The following METTL27 variants were observed in gnomAD, a reference collection of about 807,000 sequenced individuals.
METTL27 encodes methyltransferase like 27.
In METTL27, 29 loss-of-function variants were observed where a neutral mutation model predicts 24.5. The observed-to-expected ratio is 1.18, with a 90% confidence interval of 0.88 to 1.61. METTL27 has a LOEUF of 1.61. Among genes scored for constraint, METTL27 ranks in the 40% most tolerant of loss-of-function variants. The pLI is 0.00. For missense variants in METTL27, 341 were observed against 324.3 expected, an observed-to-expected ratio of 1.05 and a Z score of -0.40; for synonymous variants, 138 against 146.8, an observed-to-expected ratio of 0.94 and a Z score of 0.43.
intron 5 of METTL27, 99 bp downstream of exon 5, chr7:73,839,932 C>T (rs573827237): frequency 5.2e-5 from 61 of 1,163,234 alleles, no homozygotes; most frequent in South Asian, 4.4e-4. Flanking sequence ...CGCTGCCCCT[C>T]GCTTAGCCTG....
At chr7:73,837,316 AT>A (rs1163006974) in intron 5 of METTL27, among the ~76,000 whole-genome samples, 3 of 72,404 alleles carry the variant, frequency 4.1e-5, no homozygotes, top group African/African-American at 1.5e-4. Flanking sequence ...TTTAAAAAAA[AT>A]AAAAAAAAAT....
At chr7:73,842,340 C>T in intron 1 of METTL27, 150 bp downstream of exon 1, 1 of 863,746 alleles carries the variant, frequency 1.2e-6, no homozygotes, top group Non-Finnish European at 1.6e-6. Context: ...GGCTGCAGGG[C>T]TGGGGGAAGG....
chr7:73,835,115 G>A lies in METTL27; in HGVS notation c.479-113C>T, dbSNP rs1338087285. 213 of 1,410,330 alleles carry A rather than the reference G, an allele frequency of 1.5e-4. 1 individual carries two copies. Among genetic ancestry groups the A allele is most frequent in the Non-Finnish European group, 1.8e-4 (190 of 1,084,716 alleles). 87.4% of individuals were successfully genotyped at this position (1,410,330 alleles called of 1,614,324 possible). On this transcript the variant is annotated intron_variant, in intron 5 of 5. Coordinates refer to ENST00000297873, the MANE Select transcript of METTL27 (RefSeq NM_152559.3). Reference sequence around the variant, plus strand: ...AAGAAATTCGACTTAAAAGATTGGGGACGCTCTCTCCCTCTCCCTCTCCCT... The same window carrying A: ...AAGAAATTCGACTTAAAAGATTGGGAACGCTCTCTCCCTCTCCCTCTCCCT...
At chr7:73,838,200 C>G (rs1395509909) in intron 5 of METTL27, among the ~76,000 whole-genome samples, 1 of 152,104 alleles carries the variant, frequency 6.6e-6, no homozygotes, top group Non-Finnish European at 1.5e-5. Context: ...ACCCTCCTCA[C>G]CACTCACCAC....
chr7:73,840,122 T>G lies in METTL27; in HGVS notation c.389-2A>C. Reference sequence around the variant, plus strand: ...CTATCAGCACCGCGTCGAAGGTCCCTGTGTGTGTGTGGGGGGGGGTGGGGA... The same window carrying G: ...CTATCAGCACCGCGTCGAAGGTCCCGGTGTGTGTGTGGGGGGGGGTGGGGA... On this transcript the variant is annotated splice_acceptor_variant, in intron 4 of 5. Transcript: ENST00000297873. LOFTEE classifies it high-confidence loss of function. 2 of 1,156,592 alleles carry G rather than the reference T, an allele frequency of 1.7e-6. No homozygotes were observed. The highest frequency in any genetic ancestry group is 1.1e-6 in the Non-Finnish European group (1 of 876,392). 71.6% of individuals were successfully genotyped at this position (1,156,592 alleles called of 1,614,324 possible). A position where few individuals can be genotyped will look rare whatever the true frequency, so the allele number is the denominator to read the frequency against.
rs1239499336 is a variant in METTL27, at chr7:73,841,289, CTG to C, written c.124-93_124-92del. 1.3e-5 allele frequency: 20 copies of C among 1,484,058 alleles called. No homozygotes were observed. In the African/African-American group the frequency reaches 2.8e-4, roughly 21 times the overall value. 91.9% of individuals were successfully genotyped at this position (1,484,058 alleles called of 1,614,324 possible). A position where few individuals can be genotyped will look rare whatever the true frequency, so the allele number is the denominator to read the frequency against. On this transcript the variant is annotated intron_variant, in intron 2 of 5. Coordinates refer to ENST00000297873, the MANE Select transcript of METTL27 (RefSeq NM_152559.3). ...TGGTCTCAGAGTCTGCCAGGCTAAG[CTG>C]TGTGTGTTGGGGATCAAGCCTGGCT...
Position 73,840,089 on chromosome 7 carries a change from G to T in METTL27, c.420C>A (p.Ala140=), listed in dbSNP as rs1420123741. The T allele has an allele frequency of 6.2e-7, 1 of 1,607,964 alleles. No homozygotes were observed. The highest frequency in any genetic ancestry group is 8.5e-7 in the Non-Finnish European group (1 of 1,177,546). Residue 140 remains alanine, a synonymous_variant, in exon 5 of 6, where the codon GCC becomes GCA. Transcript: ENST00000297873. The part of the protein sequence containing the change: ...GTFDAVLIVG[A]LSDGQVPCNA... ...TGCAGGGCACCTGGCCGTCACTGAG[G>T]GCACCGACTATCAGCACCGCGTCGA...
intron 3 of METTL27, 99 bp downstream of exon 3, chr7:73,840,967 CAGTG>C (rs1199347132): frequency 1.2e-5 from 16 of 1,370,530 alleles, no homozygotes; most frequent in African/African-American, 3.1e-5. Flanking sequence ...GCATTTGAAA[CAGTG>C]AGTCTGAGGT....
Position 73,840,128 on chromosome 7 carries a change from TGTG to T in METTL27, c.389-11_389-9del. On this transcript the variant is annotated splice_polypyrimidine_tract_variant and intron_variant, in intron 4 of 5. Transcript: ENST00000297873. ...GCACCGCGTCGAAGGTCCCTGTGTG[TGTG>T]TGGGGGGGGGTGGGGACATGGTGTG... The T allele has an allele frequency of 1.7e-6, 2 of 1,210,874 alleles. No homozygotes were observed. Among genetic ancestry groups the T allele is most frequent in the Non-Finnish European group, 2.2e-6 (2 of 906,592 alleles). 75.0% of individuals were successfully genotyped at this position (1,210,874 alleles called of 1,614,324 possible). A position where few individuals can be genotyped will look rare whatever the true frequency, so the allele number is the denominator to read the frequency against.
intron 2 of METTL27, 46 bp from the exon 3 acceptor site, chr7:73,841,244 G>A (rs782121226): frequency 6.5e-7 from 1 of 1,540,256 alleles, no homozygotes; most frequent in Admixed American, 2.3e-5. Context: ...CCCAGTGTTT[G>A]GGGGATCTCC....
Position 73,842,502 on chromosome 7 carries a change from G to A in METTL27, c.-17C>T. On this transcript the variant is annotated 5_prime_UTR_variant, in exon 1 of 6. Coordinates refer to ENST00000297873, the MANE Select transcript of METTL27 (RefSeq NM_152559.3). ...AGTCAGAACTCACCGCCAATCCAGC[G>A]CGCCTCGGGCGTGTGGGCAACAGGA... The A allele has an allele frequency of 4.1e-6, 1 of 244,176 alleles. No homozygotes were observed. The highest frequency in any genetic ancestry group is 7.8e-6 in the Non-Finnish European group (1 of 128,964). 15.1% of individuals were successfully genotyped at this position (244,176 alleles called of 1,614,324 possible).
At chr7:73,835,987 G>A (rs1405988380) in intron 5 of METTL27, among the ~76,000 whole-genome samples, 8 of 132,982 alleles carry the variant, frequency 6.0e-5, no homozygotes, top group East Asian at 2.1e-4. Flanking sequence ...CAGCCGCCCC[G>A]TCTGGGAAGT....
chr7:73,840,656 AT>A (rs1396284502), intron 3 of METTL27, 107 bp from the exon 4 acceptor site: 75 of 1,444,026 alleles, frequency 5.2e-5, no homozygotes, highest in Non-Finnish European at 6.5e-5. Context: ...TGGCCCATGC[AT>A]TTGCTTTTTT....
intron 3 of METTL27, 78 bp from the exon 4 acceptor site, chr7:73,840,627 G>A: frequency 6.6e-7 from 1 of 1,505,282 alleles, no homozygotes. Context: ...TGGCAGGGCA[G>A]TGGACTCTGC....
chr7:73,836,687 C>G (rs532873022), intron 5 of METTL27, among the ~76,000 whole-genome samples: 1 of 53,352 alleles, frequency 1.9e-5, no homozygotes, highest in South Asian at 5.8e-4. Context: ...CCCGGCCAGC[C>G]CCCCCATCCG....
At chr7:73,836,687 C>T (rs532873022) in intron 5 of METTL27, among the ~76,000 whole-genome samples, 4 of 53,306 alleles carry the variant, frequency 7.5e-5, no homozygotes, top group Admixed American at 3.2e-4. Context: ...CCCGGCCAGC[C>T]CCCCCATCCG....
In METTL27 at chr7:73,834,860, AGCGGTCCACAG is replaced by A. The variant is rs782227159; in HGVS notation, c.610_620del (p.Leu204TrpfsTer50). The stretch of plus-strand genomic sequence containing the variant: ...TCCAGCTCGGAGGTAGCCAGCTCCC[AGCGGTCCACAG>A]GCGGTCCACAGGCCAGGCCACCAGG... On this transcript the variant is annotated frameshift_variant, in exon 6 of 6. Transcript: ENST00000297873. LOFTEE classifies it high-confidence loss of function. 4.8e-4 allele frequency: 769 copies of A among 1,614,070 alleles called. 1 individual carries two copies. Among genetic ancestry groups the A allele is most frequent in the South Asian group, 8.9e-4 (81 of 91,082 alleles).
At chr7:73,837,760 C>T (rs1788249670) in intron 5 of METTL27, among the ~76,000 whole-genome samples, 2 of 152,080 alleles carry the variant, frequency 1.3e-5, no homozygotes, top group South Asian at 4.1e-4. Flanking sequence ...TGGGGTTTTG[C>T]CATGTTGGCC....
intron 5 of METTL27, among the ~76,000 whole-genome samples, chr7:73,838,343 A>G (rs1436527562): frequency 1.3e-5 from 2 of 152,132 alleles, no homozygotes; most frequent in Non-Finnish European, 2.9e-5. Context: ...AGAGAGGATG[A>G]TTATCTAACA....
Sources: allele counts gnomAD v4.1 joint callset (sites outside exome capture counted in the v4.1 genomes callset), GRCh38; gene constraint gnomAD v4.1.1; transcripts MANE v1.5; gene names NCBI Gene and HGNC (gene_info 2026-07-23, HGNC 2026-07-21).